The following CNTNAP3B variants were observed in gnomAD, a reference collection of about 807,000 sequenced individuals.
The protein encoded by CNTNAP3B is contactin associated protein family member 3B, also known as contactin-associated protein-like 3B.
A neutral mutation model predicts 108.9 loss-of-function variants in CNTNAP3B; 25 were observed. The ratio of observed to expected loss-of-function variants is 0.23; its 90% confidence interval spans 0.17 to 0.32. The LOEUF is 0.32. Ranked by LOEUF, CNTNAP3B falls within the 10% of genes least tolerant of loss-of-function variation. The pLI, the probability that CNTNAP3B is intolerant of heterozygous loss-of-function variation, is 1.00. For missense variants in CNTNAP3B, 252 were observed against 1,210.4 expected (o/e 0.21, Z 11.75); for synonymous variants, 103 against 473.4 (o/e 0.22, Z 10.16).
At chr9:42,120,174 C>T (rs1264862334) in intron 1 of CNTNAP3B, among the ~76,000 whole-genome samples, 1 of 147,384 alleles carries the variant, frequency 6.8e-6, no homozygotes, top group Non-Finnish European at 1.5e-5. Flanking sequence ...AGGATATGAA[C>T]AGACACTTCT....
chr9:41,935,247 G>A (rs1475465305), intron 14 of CNTNAP3B, among the ~76,000 whole-genome samples: 1 of 152,184 alleles, frequency 6.6e-6, no homozygotes, highest in Non-Finnish European at 1.5e-5. Flanking sequence ...TTTTTTTTAA[G>A]TAATATGCTT....
intron 2 of CNTNAP3B, among the ~76,000 whole-genome samples, chr9:42,098,934 G>A (rs1827967723): frequency 7.5e-6 from 1 of 134,046 alleles, no homozygotes; most frequent in East Asian, 2.4e-4. Context: ...CTGATACCTG[G>A]GCAAATGCTT....
chr9:41,934,218 C>CTT (rs760498324), intron 14 of CNTNAP3B, among the ~76,000 whole-genome samples: 3 of 118,868 alleles, frequency 2.5e-5, no homozygotes, highest in African/African-American at 3.3e-5. Flanking sequence ...CACACACATA[C>CTT]TTTTTTTTTT....
At chr9:41,959,946 G>A (rs1457368059) in intron 12 of CNTNAP3B, 8 of 152,190 alleles carry the variant, frequency 5.3e-5, no homozygotes, top group African/African-American at 1.2e-4. Flanking sequence ...TATTTAAAAG[G>A]CGTTCTAGTG....
intron 14 of CNTNAP3B, among the ~76,000 whole-genome samples, chr9:41,931,683 A>G (rs1823981860): frequency 6.6e-6 from 1 of 150,602 alleles, no homozygotes; most frequent in Non-Finnish European, 1.5e-5. Flanking sequence ...TCAGCTTTAG[A>G]GTGGACTGAT....
At chr9:42,060,097 G>C (rs1300500556) in intron 3 of CNTNAP3B, among the ~76,000 whole-genome samples, 1 of 145,544 alleles carries the variant, frequency 6.9e-6, no homozygotes, top group Admixed American at 6.8e-5. Context: ...TCCTTGTCTT[G>C]TTTGGATCTC....
chr9:42,118,456 G>T lies in CNTNAP3B; in HGVS notation c.85+10554C>A, dbSNP rs1332723766. On this transcript the variant is annotated intron_variant, in intron 1 of 23. Coordinates refer to ENST00000377561, the MANE Select transcript of CNTNAP3B (RefSeq NM_001201380.3). ...GATTATCTCAATAGATGCAGAAAAG[G>T]CCTTTGACAAAATTCAAAGACGCTT... is the stretch of plus-strand genomic sequence containing the variant. 2.0e-4 allele frequency among the ~76,000 whole-genome samples: 28 copies of T among 137,588 alleles called. 6 individuals are homozygous for T. Among genetic ancestry groups the T allele is most frequent in the Non-Finnish European group, 4.2e-4 (27 of 64,446 alleles). The allele number at this position is 137,588 out of a possible 152,430, so 90.3% of individuals were successfully genotyped here.
chr9:42,018,454 C>A (rs1826250215), intron 3 of CNTNAP3B, among the ~76,000 whole-genome samples: 1 of 140,800 alleles, frequency 7.1e-6, no homozygotes, highest in East Asian at 2.1e-4. Flanking sequence ...GATGTCTAAA[C>A]ACAATAAATC....
rs755997515 is a variant in CNTNAP3B at position 42,049,242 on chromosome 9, ACT to A, written c.390+27625_390+27626del. ...GCACCATCTTTGAAATCTTATTTAA[ACT>A]CTGTGTTGACTGTACACCTCTAGAT... On this transcript the variant is annotated intron_variant, in intron 3 of 23. Coordinates refer to ENST00000377561, the MANE Select transcript of CNTNAP3B (RefSeq NM_001201380.3). Among the ~76,000 whole-genome samples, 10 of 136,614 alleles carry A rather than the reference ACT, an allele frequency of 7.3e-5. 2 individuals are homozygous for A. Among genetic ancestry groups the A allele is most frequent in the Non-Finnish European group, 1.4e-4 (9 of 64,238 alleles). 89.6% of individuals were successfully genotyped at this position (136,614 alleles called of 152,430 possible). A position where few individuals can be genotyped will look rare whatever the true frequency, so the allele number is the denominator to read the frequency against.
chr9:41,976,915 G>A lies in CNTNAP3B; in HGVS notation c.1478-6670C>T, dbSNP rs1326232037. Reference sequence around the variant, plus strand: ...AGCCTGGGCAACAGAGTGACTCCCTGTCTAAAAAAAAGGCAAAACAACGAA... The same window carrying A: ...AGCCTGGGCAACAGAGTGACTCCCTATCTAAAAAAAAGGCAAAACAACGAA... On this transcript the variant is annotated intron_variant, in intron 9 of 23. Transcript: ENST00000377561. Among the ~76,000 whole-genome samples the A allele has an allele frequency of 2.9e-5, 4 of 138,368 alleles. 1 individual carries two copies. The highest frequency in any genetic ancestry group is 6.2e-5 in the Non-Finnish European group (4 of 64,840). 90.8% of individuals were successfully genotyped at this position (138,368 alleles called of 152,430 possible).
In CNTNAP3B at chr9:42,116,992, G is replaced by C. The variant is rs1002241913; in HGVS notation, c.85+12018C>G. On this transcript the variant is annotated intron_variant, in intron 1 of 23. Coordinates refer to ENST00000377561, the MANE Select transcript of CNTNAP3B (RefSeq NM_001201380.3). Reference sequence around the variant, plus strand: ...AGAGTTAAATATCCTAAATATATATGCACCCAGTACAGGAGCACCCAGACT... The same window carrying C: ...AGAGTTAAATATCCTAAATATATATCCACCCAGTACAGGAGCACCCAGACT... Among the ~76,000 whole-genome samples, 16 of 139,420 alleles carry C rather than the reference G, an allele frequency of 1.1e-4. 3 individuals carry two copies. Among genetic ancestry groups the C allele is most frequent in the Non-Finnish European group, 1.7e-4 (11 of 65,044 alleles). The allele number at this position is 139,420 out of a possible 152,430, so 91.5% of individuals were successfully genotyped here. A position where few individuals can be genotyped will look rare whatever the true frequency, so the allele number is the denominator to read the frequency against.
chr9:41,926,105 C>T (rs1362672957), intron 15 of CNTNAP3B, among the ~76,000 whole-genome samples: 2 of 152,264 alleles, frequency 1.3e-5, no homozygotes, highest in Non-Finnish European at 2.9e-5. Flanking sequence ...TATTAAAATC[C>T]ATGAGTTCAT....
chr9:41,925,666 C>T (rs1196338264), intron 15 of CNTNAP3B, among the ~76,000 whole-genome samples: 530 of 152,142 alleles, frequency 3.5e-3, no homozygotes, highest in African/African-American at 0.012. Context: ...TGTATTTATC[C>T]ATTTGTTTAT....
intron 13 of CNTNAP3B, among the ~76,000 whole-genome samples, chr9:41,952,325 G>A (rs1238575714): frequency 2.6e-5 from 4 of 152,174 alleles, no homozygotes; most frequent in Non-Finnish European, 4.4e-5. Context: ...CAAGCTGGAG[G>A]CAGTGAAGCA....
At chr9:42,059,947 T>C (rs1036543851) in intron 3 of CNTNAP3B, among the ~76,000 whole-genome samples, 7 of 149,688 alleles carry the variant, frequency 4.7e-5, no homozygotes, top group African/African-American at 1.8e-4. Context: ...GCTTTCTATA[T>C]ATAAGATCAT....
chr9:41,920,966 G>A (rs1353441288), intron 17 of CNTNAP3B, among the ~76,000 whole-genome samples: 1 of 152,302 alleles, frequency 6.6e-6, no homozygotes, highest in Non-Finnish European at 1.5e-5. Context: ...AAACCATTTA[G>A]AGAGGTTTAC....
intron 15 of CNTNAP3B, among the ~76,000 whole-genome samples, chr9:41,926,127 C>T (rs1270273963): frequency 9.2e-5 from 14 of 152,276 alleles, no homozygotes; most frequent in African/African-American, 2.9e-4. Context: ...TGGATACCTC[C>T]GTTTTTAACC....
chr9:41,948,485 T>C (rs1824592871), intron 13 of CNTNAP3B, among the ~76,000 whole-genome samples: 1 of 148,250 alleles, frequency 6.7e-6, no homozygotes, highest in Non-Finnish European at 1.5e-5. Flanking sequence ...ACCAAATTCA[T>C]TTTATGTAGG....
In CNTNAP3B at chr9:42,129,211, T is replaced by C; in HGVS notation, c.-117A>G. The C allele has an allele frequency of 1.4e-6, 2 of 1,402,392 alleles. No individual in the cohort carries two copies. Among genetic ancestry groups the C allele is most frequent in the South Asian group, 2.7e-5 (2 of 73,502 alleles). 86.9% of individuals were successfully genotyped at this position (1,402,392 alleles called of 1,614,324 possible). ...TGCGCGGCTCCGACGCTGCTCTGTC[T>C]CCCCTGTCCAGTCTCTAGCTCTCTT... On this transcript the variant is annotated 5_prime_UTR_variant, in exon 1 of 24. Transcript: ENST00000377561.
Sources: gnomAD v4.1 joint callset for allele counts (sites outside exome capture counted in the v4.1 genomes callset) on GRCh38, gnomAD v4.1.1 for gene constraint, MANE v1.5 for transcripts, NCBI Gene and HGNC (gene_info 2026-07-23, HGNC 2026-07-21) for gene names.